Variants in HEMK2 observed in about 807,000 individuals in gnomAD.
The protein encoded by HEMK2 is methyltransferase HEMK2.
chr21:28,679,689 T>C, the HEMK2 span, among the ~76,000 whole-genome samples: 295 of 152,264 alleles, frequency 1.9e-3, 1 homozygote, highest in South Asian at 9.8e-3. Flanking sequence ...ACAGAAATTA[T>C]AACAAACTGT....
the HEMK2 span, among the ~76,000 whole-genome samples, chr21:28,584,995 G>C: frequency 6.6e-6 from 1 of 152,144 alleles, no homozygotes; most frequent in Non-Finnish European, 1.5e-5. Context: ...TTCCTTTCTA[G>C]ATAAAAATAT....
At chr21:28,747,733 T>C in the HEMK2 span, among the ~76,000 whole-genome samples, 3 of 152,244 alleles carry the variant, frequency 2.0e-5, no homozygotes, top group Non-Finnish European at 4.4e-5. Flanking sequence ...CCAACGTGCA[T>C]AGGAAATCTT....
the HEMK2 span, among the ~76,000 whole-genome samples, chr21:28,792,826 TTC>T: frequency 6.6e-6 from 1 of 152,202 alleles, no homozygotes; most frequent in African/African-American, 2.4e-5. Context: ...CTCACTGTTT[TTC>T]ATCTCCATCT....
the HEMK2 span, among the ~76,000 whole-genome samples, chr21:28,823,645 G>A: frequency 6.6e-6 from 1 of 152,230 alleles, no homozygotes; most frequent in South Asian, 2.1e-4. Context: ...GATGTATACT[G>A]AGCTCTTATA....
At chr21:28,768,512 A>C in the HEMK2 span, among the ~76,000 whole-genome samples, 49,416 of 151,852 alleles carry the variant, frequency 0.33, 8,148 homozygotes, top group Middle Eastern at 0.45. Flanking sequence ...AGAGGAAATC[A>C]GACCTTATTC....
the HEMK2 span, among the ~76,000 whole-genome samples, chr21:28,770,147 C>T: frequency 3.9e-5 from 6 of 152,076 alleles, no homozygotes; most frequent in Non-Finnish European, 7.4e-5. Context: ...TTGTATTTTC[C>T]ATCTCACAAA....
the HEMK2 span, among the ~76,000 whole-genome samples, chr21:28,837,082 A>T: frequency 6.6e-6 from 1 of 152,236 alleles, no homozygotes; most frequent in East Asian, 1.9e-4. Context: ...GATAGACAGC[A>T]ACACAATAAT....
At chr21:28,585,264 G>A in the HEMK2 span, among the ~76,000 whole-genome samples, 1 of 151,958 alleles carries the variant, frequency 6.6e-6, no homozygotes, top group Non-Finnish European at 1.5e-5. Flanking sequence ...CCTGGGAGGT[G>A]GAGGTTGCAG....
chr21:28,855,431 C>T, the HEMK2 span, among the ~76,000 whole-genome samples: 2 of 152,054 alleles, frequency 1.3e-5, no homozygotes, highest in East Asian at 1.9e-4. Flanking sequence ...TATACCCTAC[C>T]GACAGTATTA....
At chr21:28,624,571 T>C in the HEMK2 span, among the ~76,000 whole-genome samples, 1 of 152,152 alleles carries the variant, frequency 6.6e-6, no homozygotes, top group South Asian at 2.1e-4. Flanking sequence ...ATGTGTCTGG[T>C]CCCATCACTG....
chr21:28,665,068 A>G, the HEMK2 span, among the ~76,000 whole-genome samples: 1 of 151,790 alleles, frequency 6.6e-6, no homozygotes, highest in Non-Finnish European at 1.5e-5. Context: ...GCTTGAGCCT[A>G]GGAGTTCAGC....
the HEMK2 span, among the ~76,000 whole-genome samples, chr21:28,719,394 G>C: frequency 6.6e-6 from 1 of 152,170 alleles, no homozygotes; most frequent in Non-Finnish European, 1.5e-5. Flanking sequence ...TTTTGTGGTA[G>C]TGAATAAGTC....
the HEMK2 span, among the ~76,000 whole-genome samples, chr21:28,787,211 CT>C: frequency 6.6e-6 from 1 of 152,164 alleles, no homozygotes; most frequent in African/African-American, 2.4e-5. Flanking sequence ...CAAAAATCAA[CT>C]CAACATGGAT....
At chr21:28,855,423 T>C in the HEMK2 span, among the ~76,000 whole-genome samples, 35 of 152,302 alleles carry the variant, frequency 2.3e-4, no homozygotes, top group African/African-American at 7.0e-4. Flanking sequence ...TAGACTTCTA[T>C]ACCCTACCGA....
chr21:28,691,667 T>C, the HEMK2 span, among the ~76,000 whole-genome samples: 3 of 151,784 alleles, frequency 2.0e-5, no homozygotes, highest in Non-Finnish European at 4.4e-5. Context: ...TTAACGATAT[T>C]TTAAAAATTG....
At chr21:28,714,480 T>C in the HEMK2 span, among the ~76,000 whole-genome samples, 2 of 152,010 alleles carry the variant, frequency 1.3e-5, no homozygotes, top group Non-Finnish European at 1.5e-5. Context: ...GAATTATACA[T>C]AGAATAAAGA....
the HEMK2 span, among the ~76,000 whole-genome samples, chr21:28,780,091 A>G: frequency 9.8e-5 from 15 of 152,290 alleles, no homozygotes; most frequent in East Asian, 7.7e-4. Context: ...TGCAAACACT[A>G]TAACTCAGGT....
At chr21:28,749,421 A>T in the HEMK2 span, among the ~76,000 whole-genome samples, 1 of 152,336 alleles carries the variant, frequency 6.6e-6, no homozygotes, top group Middle Eastern at 3.4e-3. Context: ...GAGGTAGAGA[A>T]AGTTGAAATG....
the HEMK2 span, among the ~76,000 whole-genome samples, chr21:28,636,149 G>A: frequency 6.6e-6 from 1 of 151,944 alleles, no homozygotes; most frequent in Admixed American, 6.5e-5. Context: ...TGCCTTTTTT[G>A]GTACATTGAG....
Sources: allele counts gnomAD v4.1 joint callset (sites outside exome capture counted in the v4.1 genomes callset), GRCh38; gene constraint gnomAD v4.1.1; transcripts MANE v1.5; gene names NCBI Gene and HGNC (gene_info 2026-07-23, HGNC 2026-07-21).